The following B4GALNT2 variants were observed in gnomAD, a reference collection of about 807,000 sequenced individuals.
The protein encoded by B4GALNT2 is N-acetylneuraminylgalactosylglucosyl-glucoside beta-1,4-N- acetylgalactosaminyltransferase 2.
A neutral mutation model predicts 51.1 loss-of-function variants in B4GALNT2; 42 were observed. The ratio of observed to expected loss-of-function variants is 0.82; its 90% CI spans 0.64 to 1.06. The LOEUF is 1.06. Among genes scored for constraint, B4GALNT2 ranks in the 50% least tolerant of loss-of-function variants. The pLI is 0.00. For missense variants in B4GALNT2, 602 were observed against 633.6 expected (o/e 0.95, Z 0.54); for synonymous variants, 253 against 251.7 (o/e 1.01, Z -0.05).
chr17:49,129,187 A>G (rs2042525023), upstream of B4GALNT2, among the ~76,000 whole-genome samples: 1 of 106,844 alleles, frequency 9.4e-6, no homozygotes, highest in Non-Finnish European at 2.1e-5. Context: ...AGAAAGAGAG[A>G]GACAGAGAGA....
At position 49,160,558 on chromosome 17, in the gene B4GALNT2, G is replaced by A; in HGVS notation, c.683G>A (p.Ser228Asn). 1.2e-6 allele frequency: 2 copies of A among 1,613,358 alleles called. No individual in the cohort carries two copies. Among genetic ancestry groups the A allele is most frequent in the Non-Finnish European group, 1.7e-6 (2 of 1,179,302 alleles). ...GYQHQKVDIV[S>N]LESRSSVAKF... is the part of the protein sequence containing the mutation. ...ATTATCTTATTTCTCCCTCCAGTGA[G>A]TCTGGAGTCCAGGTCCTCAGTGGCC... Residue 228 changes from serine to asparagine, a missense_variant, in exon 7 of 11, where the codon AGT (serine) becomes AAT (asparagine). Transcript: ENST00000393354.
chr17:49,133,929 C>A (rs1046455251), intron 1 of B4GALNT2, among the ~76,000 whole-genome samples: 3 of 150,330 alleles, frequency 2.0e-5, no homozygotes, highest in Non-Finnish European at 2.9e-5. Context: ...AACAAACAAA[C>A]AAAACAAACA....
intron 3 of B4GALNT2, among the ~76,000 whole-genome samples, chr17:49,146,289 A>G (rs1398551781): frequency 6.6e-6 from 1 of 152,118 alleles, no homozygotes; most frequent in Non-Finnish European, 1.5e-5. Context: ...TTCCATGAGC[A>G]TGAATCCATT....
In B4GALNT2 at chr17:49,146,607, G is replaced by T. The variant is rs541209481; in HGVS notation, c.353+4435G>T. On this transcript the variant is annotated intron_variant, in intron 3 of 10. Coordinates refer to ENST00000393354, the MANE Select transcript of B4GALNT2 (RefSeq NM_001159387.2). The stretch of plus-strand genomic sequence containing the variant: ...ATTACAGGCGTGAGCCACCATGCCT[G>T]GCCCAACACTGTCTTTTCTTAATTT... Among the ~76,000 whole-genome samples, 81 of 152,210 alleles carry T rather than the reference G, an allele frequency of 5.3e-4. 1 individual carries two copies. The highest frequency in any genetic ancestry group is 3.3e-3 in the South Asian group (16 of 4,824).
chr17:49,165,602 T>G (rs1271121203), intron 8 of B4GALNT2, among the ~76,000 whole-genome samples: 1 of 94,406 alleles, frequency 1.1e-5, no homozygotes, highest in African/African-American at 4.1e-5. Context: ...CACTCTCTCT[T>G]TCTCTCTCCC....
chr17:49,132,756 C>A, upstream of B4GALNT2: 1 of 1,390,242 alleles, frequency 7.2e-7, no homozygotes, highest in Non-Finnish European at 9.3e-7. Flanking sequence ...TGCTAGGCTC[C>A]GTGACATCCG....
chr17:49,155,776 T>C (rs1402762430), intron 4 of B4GALNT2, among the ~76,000 whole-genome samples: 1 of 151,732 alleles, frequency 6.6e-6, no homozygotes, highest in Non-Finnish European at 1.5e-5. Context: ...CAGGCTGGAG[T>C]GCAGTGTCGA....
chr17:49,137,261 A>G (rs766735724), intron 1 of B4GALNT2, among the ~76,000 whole-genome samples: 2 of 152,304 alleles, frequency 1.3e-5, no homozygotes, highest in Non-Finnish European at 2.9e-5. Flanking sequence ...TTCATCCCCA[A>G]TTAGACAATG....
the B4GALNT2 span, among the ~76,000 whole-genome samples, chr17:49,124,732 A>G: frequency 6.6e-6 from 1 of 152,188 alleles, no homozygotes; most frequent in Non-Finnish European, 1.5e-5. Context: ...AATTTACCGA[A>G]TTTTAATGTT....
At chr17:49,131,462 GAAAAA>G (rs367790096), upstream of B4GALNT2, among the ~76,000 whole-genome samples, 1 of 100,290 alleles carries the variant, frequency 1.0e-5, no homozygotes, top group African/African-American at 3.8e-5. Context: ...CCCAGACTCC[GAAAAA>G]AAAAAAAAAA....
Position 49,141,457 on chromosome 17 carries a change from T to C in B4GALNT2, c.215+10T>C. ...CCTACGATGGAATCTGGTGAGAGAC[T>C]GCGTGTTCTTTCTTTCACCTTAATG... is the stretch of plus-strand genomic sequence containing the variant. On this transcript the variant is annotated intron_variant, in intron 2 of 10. Transcript: ENST00000393354. The C allele has an allele frequency of 6.2e-7, 1 of 1,612,418 alleles. No homozygotes were observed. Among genetic ancestry groups the C allele is most frequent in the Non-Finnish European group, 8.5e-7 (1 of 1,178,816 alleles).
upstream of B4GALNT2, among the ~76,000 whole-genome samples, chr17:49,127,882 G>C (rs1242319779): frequency 6.6e-6 from 1 of 152,064 alleles, no homozygotes; most frequent in Non-Finnish European, 1.5e-5. Flanking sequence ...GTCATTTTAG[G>C]GTCTTTCATA....
At chr17:49,161,374 A>C (rs1301902270) in intron 7 of B4GALNT2, among the ~76,000 whole-genome samples, 1 of 151,794 alleles carries the variant, frequency 6.6e-6, no homozygotes, top group East Asian at 1.9e-4. Flanking sequence ...ATAATGGTGT[A>C]GCTATATGAA....
At chr17:49,159,326 G>A in intron 6 of B4GALNT2, 109 bp downstream of exon 6, 1 of 1,240,220 alleles carries the variant, frequency 8.1e-7, no homozygotes, top group Non-Finnish European at 1.1e-6. Context: ...TGTGTTTTGT[G>A]TGTGTTTGTT....
rs887561998 is a variant in B4GALNT2 at position 49,175,237 on chromosome 17, G to A, written c.*5509G>A. 6.6e-6 allele frequency: 1 copy of A among 152,166 alleles called. No homozygotes were observed. The allele number at this position is 152,166 out of a possible 1,614,324, so 9.4% of individuals were successfully genotyped here. A position where few individuals can be genotyped will look rare whatever the true frequency, so the allele number is the denominator to read the frequency against. ...TGAATAGTTATTTCACAGGTAGGAT[G>A]TTTATCAGTAATTTGATTCACCCAA... On this transcript the variant is annotated 3_prime_UTR_variant, in exon 11 of 11. Transcript: ENST00000393354.
intron 7 of B4GALNT2, among the ~76,000 whole-genome samples, chr17:49,162,656 C>T (rs2042875053): frequency 6.6e-6 from 1 of 152,010 alleles, no homozygotes; most frequent in African/African-American, 2.4e-5. Context: ...CACCTGTAAT[C>T]CCAGCACTTT....
chr17:49,165,540 CCTCT>C (rs1303585367), intron 8 of B4GALNT2, among the ~76,000 whole-genome samples: 4 of 121,704 alleles, frequency 3.3e-5, no homozygotes, highest in African/African-American at 1.3e-4. Flanking sequence ...CTTCTCTCTC[CCTCT>C]CTTCTTCCCA....
upstream of B4GALNT2, among the ~76,000 whole-genome samples, chr17:49,130,099 G>C (rs2042529460): frequency 6.6e-6 from 1 of 152,184 alleles, no homozygotes; most frequent in African/African-American, 2.4e-5. Flanking sequence ...CCTTCCTGCA[G>C]TCATCCCTAG....
In B4GALNT2 at chr17:49,176,288, T is replaced by G. The variant is rs1046857051; in HGVS notation, c.*6560T>G. 2.0e-5 allele frequency: 3 copies of G among 151,870 alleles called. No homozygotes were observed. Among genetic ancestry groups the G allele is most frequent in the Admixed American group, 2.0e-4 (3 of 15,258 alleles). 9.4% of individuals were successfully genotyped at this position (151,870 alleles called of 1,614,324 possible). On this transcript the variant is annotated 3_prime_UTR_variant, in exon 11 of 11. Coordinates refer to ENST00000393354, the MANE Select transcript of B4GALNT2 (RefSeq NM_001159387.2). Reference sequence around the variant, plus strand: ...ACACACAGAAATATAGAGTGTGGAGTGGGAAATCAGGGGACTCACAGCCTT... The same window carrying G: ...ACACACAGAAATATAGAGTGTGGAGGGGGAAATCAGGGGACTCACAGCCTT...
Sources: gnomAD v4.1 joint callset for allele counts (sites outside exome capture counted in the v4.1 genomes callset) on GRCh38, gnomAD v4.1.1 for gene constraint, MANE v1.5 for transcripts, NCBI Gene and HGNC (gene_info 2026-07-23, HGNC 2026-07-21) for gene names.